ABCC4: variants seen among roughly 807,000 people sequenced by gnomAD.
The protein encoded by ABCC4 is ATP-binding cassette sub-family C member 4.
Under a neutral mutation model 168.5 loss-of-function variants are expected in ABCC4, and 102 were observed. The observed-to-expected ratio is 0.61, with a 90% CI of 0.52 to 0.71. ABCC4 has a LOEUF of 0.71. Among genes scored for constraint, ABCC4 ranks in the 30% least tolerant of loss-of-function variants. ABCC4 has a pLI of 0.00. For synonymous variants in ABCC4, 617 were observed against 590.7 expected (o/e 1.04, Z -0.65); for missense variants, 1,402 against 1,605.8 (o/e 0.87, Z 2.17).
At chr13:95,093,525 C>T (rs1768116956) in intron 20 of ABCC4, among the ~76,000 whole-genome samples, 1 of 152,152 alleles carries the variant, frequency 6.6e-6, no homozygotes, top group African/African-American at 2.4e-5. Flanking sequence ...GCAAAATCGG[C>T]ATACAAGAGA....
At chr13:95,068,584 C>T (rs1275603675) in intron 25 of ABCC4, among the ~76,000 whole-genome samples, 1 of 152,198 alleles carries the variant, frequency 6.6e-6, no homozygotes, top group African/African-American at 2.4e-5. Flanking sequence ...CGCCACTGCA[C>T]TCCAGCCTAG....
intron 30 of ABCC4, among the ~76,000 whole-genome samples, chr13:95,026,683 G>A (rs2031559943): frequency 6.6e-6 from 1 of 152,260 alleles, no homozygotes; most frequent in South Asian, 2.1e-4. Context: ...AAGCCCAGGA[G>A]TTCAAGACCA....
chr13:95,095,943 A>C, intron 20 of ABCC4: 1 of 388,956 alleles, frequency 2.6e-6, no homozygotes, highest in Non-Finnish European at 4.5e-6. Context: ...AGACACTTAA[A>C]TAGGTGCTTA....
chr13:95,207,039 C>A (rs2038803191), intron 7 of ABCC4, among the ~76,000 whole-genome samples: 1 of 150,094 alleles, frequency 6.7e-6, no homozygotes, highest in Non-Finnish European at 1.5e-5. Context: ...AAAAAAAATA[C>A]ATATTTTGTT....
At chr13:95,091,359 G>A (rs1255216138) in intron 20 of ABCC4, among the ~76,000 whole-genome samples, 1 of 152,090 alleles carries the variant, frequency 6.6e-6, no homozygotes, top group Non-Finnish European at 1.5e-5. Flanking sequence ...TTACCCAAAG[G>A]TAAGACCAAA....
chr13:95,146,879 T>C (rs1314745250), intron 19 of ABCC4, among the ~76,000 whole-genome samples: 1 of 152,216 alleles, frequency 6.6e-6, no homozygotes, highest in Non-Finnish European at 1.5e-5. Flanking sequence ...GGTAGAGAAC[T>C]AGAATGCAAC....
intron 26 of ABCC4, among the ~76,000 whole-genome samples, chr13:95,054,765 G>A (rs1413141823): frequency 6.6e-6 from 1 of 152,124 alleles, no homozygotes; most frequent in East Asian, 1.9e-4. Flanking sequence ...ACCTGGCTTT[G>A]GGGCAGGACT....
At chr13:95,204,352 TC>T (rs2038720544) in intron 8 of ABCC4, among the ~76,000 whole-genome samples, 1 of 152,132 alleles carries the variant, frequency 6.6e-6, no homozygotes, top group African/African-American at 2.4e-5. Context: ...TGGCTCTGTG[TC>T]CCCACCCGAA....
At chr13:95,257,406 G>T (rs1230970465) in intron 1 of ABCC4, among the ~76,000 whole-genome samples, 1 of 152,130 alleles carries the variant, frequency 6.6e-6, no homozygotes, top group Non-Finnish European at 1.5e-5. Context: ...CGCAGCACAC[G>T]CCTGTAATCC....
intron 1 of ABCC4, among the ~76,000 whole-genome samples, chr13:95,267,036 G>A (rs2040700484): frequency 6.6e-6 from 1 of 151,946 alleles, no homozygotes. Context: ...ACCATGCCCA[G>A]CTAATTTGTT....
chr13:95,105,333 G>T (rs1326799558), intron 20 of ABCC4, among the ~76,000 whole-genome samples: 1 of 152,034 alleles, frequency 6.6e-6, no homozygotes, highest in Non-Finnish European at 1.5e-5. Context: ...GTGTGGCCAG[G>T]TTCCTAACAG....
At chr13:95,140,052 C>G (rs1205310207) in intron 19 of ABCC4, among the ~76,000 whole-genome samples, 3 of 152,194 alleles carry the variant, frequency 2.0e-5, no homozygotes, top group Non-Finnish European at 4.4e-5. Flanking sequence ...CCTCATCTCT[C>G]CTTACTCTTG....
chr13:95,100,950 T>C (rs953680626), intron 20 of ABCC4, among the ~76,000 whole-genome samples: 2 of 152,200 alleles, frequency 1.3e-5, no homozygotes, highest in Non-Finnish European at 2.9e-5. Context: ...CTGACATCTC[T>C]ACACAATGAA....
rs991304883 is a variant in ABCC4 at position 95,021,380 on chromosome 13, T to C, written c.*195A>G. On this transcript the variant is annotated 3_prime_UTR_variant, in exon 31 of 31. Coordinates refer to ENST00000645237, the MANE Select transcript of ABCC4 (RefSeq NM_005845.5). The stretch of plus-strand genomic sequence containing the variant: ...TGATTTGGATTTTAAAAAACAACTA[T>C]TGACATTTAAATAAAAATAAACCAT... 7.7e-6 allele frequency: 4 copies of C among 522,300 alleles called. No individual in the cohort carries two copies. Among genetic ancestry groups the C allele is most frequent in the Non-Finnish European group, 1.0e-5 (3 of 296,680 alleles). The allele number at this position is 522,300 out of a possible 1,614,324, so 32.4% of individuals were successfully genotyped here.
chr13:95,080,151 G>A (rs1306683990), intron 21 of ABCC4, among the ~76,000 whole-genome samples: 1 of 152,082 alleles, frequency 6.6e-6, no homozygotes, highest in Non-Finnish European at 1.5e-5. Flanking sequence ...GGGAATCTAG[G>A]ATGAACGAAC....
In ABCC4 at chr13:95,130,154, C is replaced by G. The variant is rs142853620; in HGVS notation, c.2456-14153G>C. 4.0e-5 allele frequency among the ~76,000 whole-genome samples: 6 copies of G among 151,454 alleles called. No individual in the cohort carries two copies. In the East Asian group the frequency reaches 9.7e-4, roughly 24 times the overall value. ...CAAATGTATTTTGACTTTGCTTATA[C>G]CTTGAACAATAGGAAATAAAGATCG... On this transcript the variant is annotated intron_variant, in intron 19 of 30. Coordinates refer to ENST00000645237, the MANE Select transcript of ABCC4 (RefSeq NM_005845.5).
chr13:95,283,131 G>C (rs182018284), intron 1 of ABCC4, among the ~76,000 whole-genome samples: 1 of 150,906 alleles, frequency 6.6e-6, no homozygotes, highest in Non-Finnish European at 1.5e-5. Flanking sequence ...CAGGAGAATC[G>C]CTTGAACCTG....
chr13:95,025,381 A>C (rs1593958331), intron 30 of ABCC4, among the ~76,000 whole-genome samples: 1 of 18,764 alleles, frequency 5.3e-5, no homozygotes. Context: ...CCCCACACAC[A>C]CCCTCCCACC....
chr13:95,109,765 G>A (rs900259046), intron 20 of ABCC4, among the ~76,000 whole-genome samples: 5 of 152,162 alleles, frequency 3.3e-5, no homozygotes, highest in South Asian at 2.1e-4. Context: ...TTATCACACA[G>A]CATGGTAACT....
Sources: allele counts gnomAD v4.1 joint callset (sites outside exome capture counted in the v4.1 genomes callset), GRCh38; gene constraint gnomAD v4.1.1; transcripts MANE v1.5; gene names NCBI Gene and HGNC (gene_info 2026-07-23, HGNC 2026-07-21).